Variants in CERS6 observed in about 807,000 individuals in gnomAD.
CERS6 encodes the protein ceramide synthase 6, also known as LAG1 homolog, ceramide synthase 6.
In CERS6, 26 loss-of-function variants were observed where a neutral mutation model predicts 56.8. The ratio of observed to expected loss-of-function variants is 0.46; its 90% CI spans 0.34 to 0.63. CERS6 has a LOEUF of 0.63. Among genes scored for constraint, CERS6 ranks in the 30% least tolerant of loss-of-function variants. The pLI, the probability that CERS6 is intolerant of heterozygous loss-of-function variation, is 0.01. For missense variants in CERS6, 415 were observed against 467.5 expected (o/e 0.89, Z 1.04); for synonymous variants, 164 against 173.3 (o/e 0.95, Z 0.42).
At chr2:168,712,369 T>C (rs781331069) in intron 6 of CERS6, among the ~76,000 whole-genome samples, 1 of 152,232 alleles carries the variant, frequency 6.6e-6, no homozygotes, top group Non-Finnish European at 1.5e-5. Context: ...GGATGGAGTT[T>C]ATGAAGACAT....
chr2:168,613,513 A>G (rs1684237529), intron 3 of CERS6, among the ~76,000 whole-genome samples: 1 of 152,198 alleles, frequency 6.6e-6, no homozygotes. Context: ...TGTGTCAAAT[A>G]TTGCAGGATC....
At chr2:168,758,583 A>T (rs575135237) in intron 8 of CERS6, among the ~76,000 whole-genome samples, 29 of 152,322 alleles carry the variant, frequency 1.9e-4, no homozygotes, top group African/African-American at 7.0e-4. Flanking sequence ...TAACCCATTC[A>T]TACGGTAAGA....
At chr2:168,675,680 A>T (rs1212341613) in intron 4 of CERS6, among the ~76,000 whole-genome samples, 2 of 152,124 alleles carry the variant, frequency 1.3e-5, no homozygotes, top group African/African-American at 4.8e-5. Flanking sequence ...TTGGAAAAAA[A>T]TAACTATTTT....
rs1209523986 is a variant in CERS6 at position 168,774,450 on chromosome 2, A to C, written c.*4788A>C. On this transcript the variant is annotated 3_prime_UTR_variant, in exon 10 of 10. Coordinates refer to ENST00000305747, the MANE Select transcript of CERS6 (RefSeq NM_203463.3). ...CCCATGTATGTGTGTTTTTCTTAAC[A>C]CAGGTCCATGAAAGTTTGGCTTCCT... The C allele has an allele frequency of 6.6e-6, 1 of 152,162 alleles. No individual in the cohort carries two copies. The highest frequency in any genetic ancestry group is 1.5e-5 in the Non-Finnish European group (1 of 68,014). 9.4% of individuals were successfully genotyped at this position (152,162 alleles called of 1,614,324 possible).
intron 1 of CERS6, among the ~76,000 whole-genome samples, chr2:168,480,822 A>AG (rs1386527941): frequency 6.6e-6 from 1 of 152,218 alleles, no homozygotes; most frequent in African/African-American, 2.4e-5. Context: ...GAGTAGACAT[A>AG]TATCTAAGTC....
rs548896282 is a variant in CERS6 at position 168,772,616 on chromosome 2, G to A, written c.*2954G>A. The A allele has an allele frequency of 5.2e-5, 8 of 152,692 alleles. No individual in the cohort carries two copies. In the East Asian group the frequency reaches 1.5e-3, roughly 29 times the overall value. 9.5% of individuals were successfully genotyped at this position (152,692 alleles called of 1,614,324 possible). A position where few individuals can be genotyped will look rare whatever the true frequency, so the allele number is the denominator to read the frequency against. ...CCTCTTAGCCAGTGAGCTAAATATG[G>A]CTAAGCACAGGTCATAAGAGCACCT... is the stretch of plus-strand genomic sequence containing the variant. On this transcript the variant is annotated 3_prime_UTR_variant, in exon 10 of 10. Coordinates refer to ENST00000305747, the MANE Select transcript of CERS6 (RefSeq NM_203463.3).
intron 3 of CERS6, among the ~76,000 whole-genome samples, chr2:168,585,876 C>A (rs749471001): frequency 1.3e-5 from 2 of 152,196 alleles, no homozygotes; most frequent in African/African-American, 4.8e-5. Flanking sequence ...AACCTGATTT[C>A]TTTAAGTTCA....
At chr2:168,659,408 G>C (rs1380759880) in intron 4 of CERS6, among the ~76,000 whole-genome samples, 1 of 152,058 alleles carries the variant, frequency 6.6e-6, no homozygotes, top group African/African-American at 2.4e-5. Flanking sequence ...TGTATATATA[G>C]AAATGTTTTA....
chr2:168,743,210 GTGTA>G (rs935061416), intron 8 of CERS6, among the ~76,000 whole-genome samples: 19 of 130,442 alleles, frequency 1.5e-4, no homozygotes, highest in Non-Finnish European at 2.3e-4. Context: ...ATATGTGTGT[GTGTA>G]TGTGTGTGTG....
At chr2:168,669,096 T>C (rs1574145116) in intron 4 of CERS6, among the ~76,000 whole-genome samples, 2 of 152,198 alleles carry the variant, frequency 1.3e-5, no homozygotes, top group East Asian at 3.8e-4. Context: ...AAAAAGTTTA[T>C]TTCTCATGTT....
At chr2:168,673,160 C>G (rs1685965240) in intron 4 of CERS6, among the ~76,000 whole-genome samples, 1 of 152,116 alleles carries the variant, frequency 6.6e-6, no homozygotes, top group Non-Finnish European at 1.5e-5. Context: ...AAATTTTCAT[C>G]AGTGTTTAAT....
At chr2:168,664,696 G>C (rs1428567041) in intron 4 of CERS6, among the ~76,000 whole-genome samples, 1 of 152,174 alleles carries the variant, frequency 6.6e-6, no homozygotes, top group African/African-American at 2.4e-5. Flanking sequence ...GTAGCAGTGA[G>C]GATGCCCAGA....
chr2:168,769,255 A>G (rs1280091144), intron 9 of CERS6, among the ~76,000 whole-genome samples: 1 of 152,192 alleles, frequency 6.6e-6, no homozygotes, highest in Admixed American at 6.5e-5. Flanking sequence ...TATGTTCTCA[A>G]TATGGAAAGA....
rs1183374064 is a variant in CERS6, at chr2:168,686,105, A to C, written c.466-4929A>C. ...CATACTAGATGGCTTGAGCAACGGA[A>C]ATTTCTCATCGTTCTGGAGGCTGGA... is the stretch of plus-strand genomic sequence containing the variant. On this transcript the variant is annotated intron_variant, in intron 4 of 9. Transcript: ENST00000305747. Among the ~76,000 whole-genome samples, 5 of 146,530 alleles carry C rather than the reference A, an allele frequency of 3.4e-5. No individual in the cohort carries two copies. The East Asian group carries it at 8.1e-4, about 24-fold the overall frequency.
intron 4 of CERS6, among the ~76,000 whole-genome samples, chr2:168,686,078 C>G (rs924467991): frequency 7.0e-6 from 1 of 142,968 alleles, no homozygotes; most frequent in Non-Finnish European, 1.5e-5. Flanking sequence ...AACAAAATAC[C>G]GCATACTAGA....
rs542596249 is a variant in CERS6, at chr2:168,753,395, A to G, written c.846-12197A>G. Among the ~76,000 whole-genome samples the G allele has an allele frequency of 9.8e-5, 15 of 152,318 alleles. 1 individual carries two copies. In the East Asian group the frequency reaches 2.5e-3, roughly 25 times the overall value. Reference sequence around the variant, plus strand: ...GTTATTATTCAGTGCATATAGTTTCATGTGTGTTATTTTTCTTTCATGCTT... The same window carrying G: ...GTTATTATTCAGTGCATATAGTTTCGTGTGTGTTATTTTTCTTTCATGCTT... On this transcript the variant is annotated intron_variant, in intron 8 of 9. Transcript: ENST00000305747.
intron 3 of CERS6, among the ~76,000 whole-genome samples, chr2:168,572,997 T>A (rs1158825524): frequency 1.3e-5 from 2 of 152,000 alleles, no homozygotes; most frequent in African/African-American, 4.8e-5. Flanking sequence ...TTTCAAATGG[T>A]CCTAGGGAAG....
chr2:168,650,332 G>A (rs1177827525), intron 4 of CERS6, among the ~76,000 whole-genome samples: 1 of 152,136 alleles, frequency 6.6e-6, no homozygotes, highest in Non-Finnish European at 1.5e-5. Flanking sequence ...GGAGGGAGCT[G>A]GAGGGAAAGG....
intron 1 of CERS6, among the ~76,000 whole-genome samples, chr2:168,488,285 C>T (rs1459880496): frequency 2.0e-5 from 3 of 151,796 alleles, no homozygotes; most frequent in Admixed American, 6.6e-5. Context: ...GGAATAGCCA[C>T]TATGTATAAA....
Sources: gnomAD v4.1 joint callset for allele counts (sites outside exome capture counted in the v4.1 genomes callset) on GRCh38, gnomAD v4.1.1 for gene constraint, MANE v1.5 for transcripts, NCBI Gene and HGNC (gene_info 2026-07-23, HGNC 2026-07-21) for gene names.